SNX13: variants seen among roughly 807,000 people sequenced by gnomAD.
SNX13 encodes sorting nexin 13, also known as sorting nexin-13.
In SNX13, 45 loss-of-function variants were observed where a neutral mutation model predicts 133.6. The ratio of observed to expected loss-of-function variants is 0.34; its 90% CI spans 0.27 to 0.43. The LOEUF (loss-of-function observed/expected upper bound fraction) is 0.43. Ranked by LOEUF, SNX13 falls within the 20% of genes least tolerant of loss-of-function variation. The pLI is 1.00. For missense variants in SNX13, 1,032 were observed against 1,145.1 expected, an observed-to-expected ratio of 0.90 and a Z score of 1.43; for synonymous variants, 414 against 373.9, an observed-to-expected ratio of 1.11 and a Z score of -1.24.
In SNX13 at chr7:17,940,427, T is replaced by A; in HGVS notation, c.-132A>T. 1 of 1,070,206 alleles carries A rather than the reference T, an allele frequency of 9.3e-7. No individual in the cohort carries two copies. Among genetic ancestry groups the A allele is most frequent in the Non-Finnish European group, 1.4e-6 (1 of 716,608 alleles). The allele number at this position is 1,070,206 out of a possible 1,614,324, so 66.3% of individuals were successfully genotyped here. ...TCAGTCTTCTCCCGGGCGGCGGTTTTACTCGGCTTCGCTGGCCTCCCCTCG... is the reference window on the plus strand; with the variant it reads ...TCAGTCTTCTCCCGGGCGGCGGTTTAACTCGGCTTCGCTGGCCTCCCCTCG... On this transcript the variant is annotated 5_prime_UTR_variant, in exon 1 of 26. Coordinates refer to ENST00000428135, the MANE Select transcript of SNX13 (RefSeq NM_015132.5).
chr7:17,804,094 A>G (rs1784923909), intron 20 of SNX13, among the ~76,000 whole-genome samples: 1 of 152,112 alleles, frequency 6.6e-6, no homozygotes, highest in Admixed American at 6.5e-5. Context: ...ACATACATAT[A>G]TATGATTTGA....
At chr7:17,805,988 C>G (rs1785253212) in intron 20 of SNX13, among the ~76,000 whole-genome samples, 2 of 152,090 alleles carry the variant, frequency 1.3e-5, no homozygotes, top group Non-Finnish European at 2.9e-5. Context: ...TTTCCAAAAA[C>G]AAGATTTGTT....
chr7:17,940,224 G>C lies in SNX13; in HGVS notation c.12+60C>G, dbSNP rs778565759. The C allele has an allele frequency of 4.5e-6, 7 of 1,550,700 alleles. No individual in the cohort carries two copies. The African/African-American group carries it at 5.5e-5, about 12-fold the overall frequency. On this transcript the variant is annotated intron_variant, in intron 1 of 25. Coordinates refer to ENST00000428135, the MANE Select transcript of SNX13 (RefSeq NM_015132.5). ...TTCCGTACAGATGATGTTCTCTGAC[G>C]GGCTGGCGCCGGCCCCTTCCCCATT...
intron 9 of SNX13, among the ~76,000 whole-genome samples, chr7:17,864,639 A>T (rs1793141811): frequency 6.6e-6 from 1 of 152,190 alleles, no homozygotes; most frequent in Non-Finnish European, 1.5e-5. Flanking sequence ...AAAAAACATG[A>T]ATATCCAGGT....
intron 2 of SNX13, among the ~76,000 whole-genome samples, chr7:17,895,426 T>A (rs1797097002): frequency 6.6e-6 from 1 of 152,072 alleles, no homozygotes; most frequent in Non-Finnish European, 1.5e-5. Flanking sequence ...AAATAAGGAG[T>A]TAACTTTGAC....
rs909552289 is a variant in SNX13, at chr7:17,875,681, C to T, written c.550G>A (p.Asp184Asn). 3 of 1,609,278 alleles carry T rather than the reference C, an allele frequency of 1.9e-6. No individual in the cohort carries two copies. Among genetic ancestry groups the T allele is most frequent in the Admixed American group, 1.7e-5 (1 of 59,364 alleles). The change falls in exon 6 of 26, where the codon GAT becomes AAT. Residue 184 changes from aspartate (D) to asparagine (N), a missense_variant. Asp to Asn is a conservative substitution (Grantham distance 23, BLOSUM62 1). Transcript: ENST00000428135. ...ATAAAGATATTACCTTTCACTTGAT[C>T]ATCTTTCTCTGTTATTTTCTGTTGA... is the stretch of plus-strand genomic sequence containing the variant. ...KAQQKITEKD[D>N]QVKGTAEDLV...
At chr7:17,896,674 G>A (rs890635702) in intron 2 of SNX13, among the ~76,000 whole-genome samples, 1 of 152,008 alleles carries the variant, frequency 6.6e-6, no homozygotes, top group Admixed American at 6.5e-5. Flanking sequence ...TTTCAACTAA[G>A]CTATTTTGGT....
intron 11 of SNX13, among the ~76,000 whole-genome samples, chr7:17,848,107 A>G (rs1790764435): frequency 6.6e-6 from 1 of 152,100 alleles, no homozygotes; most frequent in Non-Finnish European, 1.5e-5. Context: ...TCCTGTGCCT[A>G]TAAAAAACCG....
At chr7:17,872,816 A>T (rs1794268865) in intron 8 of SNX13, among the ~76,000 whole-genome samples, 1 of 152,208 alleles carries the variant, frequency 6.6e-6, no homozygotes, top group Non-Finnish European at 1.5e-5. Context: ...TTCAACCAGG[A>T]CATGTTCTTG....
At chr7:17,885,494 G>C (rs923014066) in intron 5 of SNX13, among the ~76,000 whole-genome samples, 3 of 152,182 alleles carry the variant, frequency 2.0e-5, no homozygotes, top group African/African-American at 4.8e-5. Context: ...AATTGTATCA[G>C]TTAATAATGA....
intron 22 of SNX13, among the ~76,000 whole-genome samples, chr7:17,801,020 A>ATATATATATATATACG (rs1784566980): frequency 1.5e-3 from 18 of 11,840 alleles, no homozygotes; most frequent in African/African-American, 4.4e-3. Flanking sequence ...ATATATATAT[A>ATATATATATATATACG]TATATATATA....
intron 21 of SNX13, among the ~76,000 whole-genome samples, chr7:17,802,264 A>T (rs1306303257): frequency 6.6e-6 from 1 of 152,062 alleles, no homozygotes; most frequent in African/African-American, 2.4e-5. Flanking sequence ...GCCCGGTGAC[A>T]CATTTCTCAG....
chr7:17,890,903 C>T (rs1341686085), intron 4 of SNX13, among the ~76,000 whole-genome samples: 1 of 151,812 alleles, frequency 6.6e-6, no homozygotes, highest in Non-Finnish European at 1.5e-5. Flanking sequence ...ATTATATCAT[C>T]AGATCCATTG....
chr7:17,905,166 G>T (rs1798257778), intron 1 of SNX13, among the ~76,000 whole-genome samples: 1 of 152,192 alleles, frequency 6.6e-6, no homozygotes, highest in South Asian at 2.1e-4. Context: ...ATACAATTAA[G>T]AAAAAAATTA....
At chr7:17,826,762 T>A (rs1787956883) in intron 16 of SNX13, among the ~76,000 whole-genome samples, 1 of 152,118 alleles carries the variant, frequency 6.6e-6, no homozygotes, top group Non-Finnish European at 1.5e-5. Context: ...CTTTTATAAC[T>A]ACGGCCTTTG....
rs1167656315 is a variant in SNX13 at position 17,791,587 on chromosome 7, C to G, written c.*2458G>C. 6.6e-6 allele frequency: 1 copy of G among 151,950 alleles called. No individual in the cohort carries two copies. The highest frequency in any genetic ancestry group is 2.4e-5 in the African/African-American group (1 of 41,424). 9.4% of individuals were successfully genotyped at this position (151,950 alleles called of 1,614,324 possible). A position where few individuals can be genotyped will look rare whatever the true frequency, so the allele number is the denominator to read the frequency against. On this transcript the variant is annotated 3_prime_UTR_variant, in exon 26 of 26. Transcript: ENST00000428135. ...ATGTTACCTGAAAAATCAGAAAACACAAAGAATGATTAATTTCGAAAGTTC... is the reference window on the plus strand; with the variant it reads ...ATGTTACCTGAAAAATCAGAAAACAGAAAGAATGATTAATTTCGAAAGTTC...
At chr7:17,909,099 CATCACTAATCATT>C (rs1452795176) in intron 1 of SNX13, among the ~76,000 whole-genome samples, 1 of 151,960 alleles carries the variant, frequency 6.6e-6, no homozygotes, top group East Asian at 1.9e-4. Flanking sequence ...AAAAGCTCAA[CATCACTAATCATT>C]AGAGAAATGC....
chr7:17,868,376 A>AT (rs2128345093), intron 9 of SNX13, 31 bp downstream of exon 9: 6 of 1,493,952 alleles, frequency 4.0e-6, no homozygotes, highest in Non-Finnish European at 5.5e-6. Flanking sequence ...ATTATTTCTA[A>AT]AACAGAGTTG....
intron 5 of SNX13, among the ~76,000 whole-genome samples, chr7:17,885,497 A>C (rs1293023816): frequency 6.6e-6 from 1 of 152,226 alleles, no homozygotes; most frequent in Non-Finnish European, 1.5e-5. Context: ...TGTATCAGTT[A>C]ATAATGAACT....
Sources: gnomAD v4.1 joint callset for allele counts (sites outside exome capture counted in the v4.1 genomes callset) on GRCh38, gnomAD v4.1.1 for gene constraint, MANE v1.5 for transcripts, NCBI Gene and HGNC (gene_info 2026-07-23, HGNC 2026-07-21) for gene names.